Variants in SH3KBP1 observed in about 807,000 individuals in gnomAD.
SH3KBP1 encodes SH3 domain-containing kinase-binding protein 1.
Under a neutral mutation model 50.1 loss-of-function variants are expected in SH3KBP1, and 8 were observed. The ratio of observed to expected loss-of-function variants is 0.16; its 90% CI spans 0.09 to 0.29. The LOEUF (loss-of-function observed/expected upper bound fraction) is 0.29, where lower values mean the gene tolerates loss of function less well. SH3KBP1 is among the 10% of genes least tolerant of loss of function. The pLI, the probability that SH3KBP1 is intolerant of heterozygous loss-of-function variation, is 1.00. For missense variants in SH3KBP1, 377 were observed against 535.2 expected (o/e 0.70, Z 2.92); for synonymous variants, 227 against 218.6 (o/e 1.04, Z -0.34).
chrX:19,580,375 C>G (rs1344902163), intron 12 of SH3KBP1, among the ~76,000 whole-genome samples: 1 of 111,675 alleles, frequency 9.0e-6, no homozygotes, highest in Non-Finnish European at 1.9e-5. Context: ...GACAAGTCTA[C>G]CCACGCTTGG....
chrX:19,712,767 C>T (rs2063808380), intron 3 of SH3KBP1, among the ~76,000 whole-genome samples: 1 of 111,599 alleles, frequency 9.0e-6, no homozygotes, highest in South Asian at 3.7e-4. Flanking sequence ...GACAAATTGA[C>T]ATCACGTGCC....
intron 3 of SH3KBP1, among the ~76,000 whole-genome samples, chrX:19,739,419 T>C (rs763155921): frequency 2.2e-4 from 25 of 111,308 alleles, no homozygotes; most frequent in South Asian, 7.4e-4. Flanking sequence ...TGAGGAAAAA[T>C]GGGTTCAACA....
intron 4 of SH3KBP1, among the ~76,000 whole-genome samples, chrX:19,698,528 T>C: frequency 8.9e-6 from 1 of 111,753 alleles, no homozygotes; most frequent in South Asian, 3.8e-4. Context: ...ACGCAGTAAG[T>C]GGAGGGGCAG....
At chrX:19,694,622 T>A (rs1287054222) in intron 5 of SH3KBP1, among the ~76,000 whole-genome samples, 1 of 110,796 alleles carries the variant, frequency 9.0e-6, no homozygotes, top group Non-Finnish European at 1.9e-5. Flanking sequence ...TATGTCAGGC[T>A]ACATCATCCA....
At chrX:19,831,791 C>CCAAAAAAAAAAA (rs774588566) in intron 2 of SH3KBP1, among the ~76,000 whole-genome samples, 5 of 36,387 alleles carry the variant, frequency 1.4e-4, no homozygotes, top group East Asian at 1.4e-3. Context: ...AACTCCATCC[C>CCAAAAAAAAAAA]AAAAAAAAAA....
chrX:19,745,510 G>A (rs2064893326), intron 3 of SH3KBP1, among the ~76,000 whole-genome samples: 1 of 111,780 alleles, frequency 8.9e-6, no homozygotes, highest in African/African-American at 3.3e-5. Flanking sequence ...TGCTAATCTA[G>A]TTCCTGTGCC....
chrX:19,618,918 A>T (rs751508865), intron 8 of SH3KBP1, among the ~76,000 whole-genome samples: 1 of 108,040 alleles, frequency 9.3e-6, no homozygotes, highest in South Asian at 4.2e-4. Flanking sequence ...GTGAGCTGCG[A>T]TCACACCACC....
chrX:19,598,229 T>TTTTA (rs60833421), intron 9 of SH3KBP1, among the ~76,000 whole-genome samples: 9,093 of 101,846 alleles, frequency 0.089, 641 homozygotes, highest in African/African-American at 0.21. Context: ...GCAAGTCTGT[T>TTTTA]TTTATTTATT....
Position 19,536,391 on chromosome X carries a change from A to T in SH3KBP1, c.*26T>A, listed in dbSNP as rs757864168. On this transcript the variant is annotated 3_prime_UTR_variant, in exon 18 of 18. Transcript: ENST00000397821. ...TTTGAGTCTCGGACTCAGGATGAAT[A>T]ATGTGACATTTCATTGATCAAGTAT... 1.9e-6 allele frequency: 2 copies of T among 1,067,293 alleles called. No individual in the cohort carries two copies. The highest frequency in any genetic ancestry group is 2.4e-5 in the Admixed American group (1 of 41,593). 88.0% of individuals were successfully genotyped at this position (1,067,293 alleles called of 1,213,427 possible).
At position 19,692,661 on chromosome X, in the gene SH3KBP1, G is replaced by A. The variant is rs866725202; in HGVS notation, c.520+2951C>T. Among the ~76,000 whole-genome samples, 621 of 75,410 alleles carry A rather than the reference G, an allele frequency of 8.2e-3. 15 individuals carry two copies. The highest frequency in any genetic ancestry group is 0.038 in the African/African-American group (585 of 15,505). The allele number at this position is 75,410 out of a possible 115,157, so 65.5% of individuals were successfully genotyped here. ...TGTGTGTGTGTGTGTGTGTGTGTGT[G>A]TGTGTGTGTATGTATATATATATAT... is the stretch of plus-strand genomic sequence containing the variant. On this transcript the variant is annotated intron_variant, in intron 5 of 17. Transcript: ENST00000397821.
chrX:19,725,000 T>C (rs2064178738), intron 3 of SH3KBP1, among the ~76,000 whole-genome samples: 1 of 111,725 alleles, frequency 9.0e-6, no homozygotes, highest in Non-Finnish European at 1.9e-5. Context: ...CCTTGGGGAT[T>C]ACTACAGGCT....
At chrX:19,692,514 T>C (rs1271036094) in intron 5 of SH3KBP1, among the ~76,000 whole-genome samples, 1 of 109,032 alleles carries the variant, frequency 9.2e-6, no homozygotes, top group Non-Finnish European at 1.9e-5. Context: ...TCAAATACTT[T>C]CTGGAAGCAG....
intron 7 of SH3KBP1, among the ~76,000 whole-genome samples, chrX:19,643,605 T>G (rs2061922633): frequency 9.0e-6 from 1 of 110,763 alleles, no homozygotes; most frequent in African/African-American, 3.3e-5. Flanking sequence ...CCCTCAAGCC[T>G]TTGATGACAG....
At chrX:19,826,156 G>A in intron 2 of SH3KBP1, among the ~76,000 whole-genome samples, 1 of 112,445 alleles carries the variant, frequency 8.9e-6, no homozygotes, top group Non-Finnish European at 1.9e-5. Context: ...TTTTAATCCA[G>A]AACATCTTTA....
intron 8 of SH3KBP1, among the ~76,000 whole-genome samples, chrX:19,628,781 A>C (rs978588311): frequency 2.7e-5 from 3 of 111,815 alleles, no homozygotes; most frequent in Admixed American, 9.5e-5. Flanking sequence ...TATCCAAAAA[A>C]ACCCAGCAAA....
At chrX:19,656,393 A>T (rs1407636162) in intron 6 of SH3KBP1, among the ~76,000 whole-genome samples, 6 of 111,991 alleles carry the variant, frequency 5.4e-5, no homozygotes, top group Non-Finnish European at 9.4e-5. Flanking sequence ...AGGCAGTAAA[A>T]TTAAAGATGA....
chrX:19,725,663 C>T (rs1230256037), intron 3 of SH3KBP1, among the ~76,000 whole-genome samples: 1 of 110,768 alleles, frequency 9.0e-6, no homozygotes, highest in Non-Finnish European at 1.9e-5. Flanking sequence ...GGCAGGCAGT[C>T]CTAGGTCAGG....
chrX:19,855,887 G>T (rs1230937375), intron 1 of SH3KBP1, among the ~76,000 whole-genome samples: 1 of 111,239 alleles, frequency 9.0e-6, no homozygotes, highest in East Asian at 2.8e-4. Context: ...AAACTTTCCT[G>T]GTCTGCTCCT....
rs1262016253 is a variant in SH3KBP1 at position 19,683,885 on chromosome X, T to G, written c.664A>C (p.Lys222Gln). The change falls in exon 6 of 18, where the codon AAG becomes CAG. Residue 222 changes from lysine (K) to glutamine (Q), a missense_variant. By Grantham distance (53) the Lys-to-Gln change is moderately conservative. Transcript: ENST00000397821. Reference sequence around the variant, plus strand: ...GACCTTGGTCTTAGTTTGATTGGCTTGTCTTTGAAAATGTCTCCAAAGCCC... The same window carrying G: ...GACCTTGGTCTTAGTTTGATTGGCTGGTCTTTGAAAATGTCTCCAAAGCCC... ...GVGFGDIFKD[K>Q]PIKLRPRSIE... 1 of 1,210,200 alleles carries G rather than the reference T, an allele frequency of 8.3e-7. No homozygotes were observed. Among genetic ancestry groups the G allele is most frequent in the Non-Finnish European group, 1.1e-6 (1 of 895,087 alleles).
Sources: gnomAD v4.1 joint callset for allele counts (sites outside exome capture counted in the v4.1 genomes callset) on GRCh38, gnomAD v4.1.1 for gene constraint, MANE v1.5 for transcripts, NCBI Gene and HGNC (gene_info 2026-07-23, HGNC 2026-07-21) for gene names.